The following PITPNM1 variants were observed in gnomAD, a reference collection of about 807,000 sequenced individuals.
PITPNM1 encodes phosphatidylinositol transfer protein membrane associated 1.
A neutral mutation model predicts 133.3 loss-of-function variants in PITPNM1; 74 were observed. The observed-to-expected ratio is 0.56, with a 90% CI of 0.46 to 0.67. PITPNM1 has a LOEUF of 0.67. Ranked by LOEUF, PITPNM1 falls within the 30% of genes least tolerant of loss-of-function variation. The pLI is 0.00. For synonymous variants in PITPNM1, 738 were observed against 741.4 expected (o/e 1.00, Z 0.08); for missense variants, 1,398 against 1,739.5 (o/e 0.80, Z 3.49).
At chr11:67,505,363 TGCAGTCCCTCCCCGACGCCCGCC>T (rs1397171279), upstream of PITPNM1, 2 of 151,940 alleles carry the variant, frequency 1.3e-5, no homozygotes, top group Non-Finnish European at 2.9e-5. This position sits in a 1 kb window ranked among gnomAD's most constrained non-coding sequence, Gnocchi z 5.8. Flanking sequence ...CCGGCGCCCC[TGCAGTCCCTCCCCGACGCCCGCC>T]GCGTCACTGC....
intron 2 of PITPNM1, 138 bp downstream of exon 2, chr11:67,503,965 C>G: frequency 1.6e-6 from 1 of 615,168 alleles, no homozygotes; most frequent in Admixed American, 3.1e-5. Context: ...TTCCCACAGT[C>G]CTTCCCCATT....
chr11:67,493,112 T>A (rs780980160), intron 22 of PITPNM1, 50 bp from the exon 23 acceptor site: 2 of 1,607,856 alleles, frequency 1.2e-6, no homozygotes, highest in South Asian at 2.2e-5. Context: ...GCCGTGCAGC[T>A]GGGGGCGGGG....
rs1174705312 is a variant in PITPNM1, at chr11:67,502,305, T to A, written c.402A>T (p.Arg134Ser). ...TCCAGGCCTCACCCAGGATGCGCTG[T>A]CTCCTCTCGGCCCCGCTCAGGTTGA... ...NVFNLSGAER[R>S]QRILDTIDIV... Residue 134 changes from arginine to serine, a missense_variant, in exon 4 of 24, where the codon AGA becomes AGT. Physicochemically the swap from Arg to Ser is moderately radical, Grantham distance 110. Coordinates refer to ENST00000356404, the MANE Select transcript of PITPNM1 (RefSeq NM_004910.3). The surrounding 1 kb of genome is among the most constrained non-coding windows in gnomAD (Gnocchi z 5.9). The A allele has an allele frequency of 1.2e-6, 2 of 1,613,240 alleles. No homozygotes were observed. Among genetic ancestry groups the A allele is most frequent in the Admixed American group, 3.3e-5 (2 of 60,024 alleles).
At position 67,500,189 on chromosome 11, in the gene PITPNM1, A is replaced by G; in HGVS notation, c.873T>C (p.Pro291=). 6.2e-7 allele frequency: 1 copy of G among 1,602,246 alleles called. No homozygotes were observed. The highest frequency in any genetic ancestry group is 8.5e-7 in the Non-Finnish European group (1 of 1,177,250). ...AASNTGTPDG[P]EAPPGPDASP... ...AGGCATCTGGGCCTGGGGGGGCCTC[A>G]GGCCCATCGGGGGTGCCAGTGTTGC... The change falls in exon 6 of 24, where the codon CCT becomes CCC. Residue 291 remains proline, a synonymous_variant. Transcript: ENST00000356404.
chr11:67,499,485 G>C (rs1451750216), intron 8 of PITPNM1, among the ~76,000 whole-genome samples: 4 of 148,586 alleles, frequency 2.7e-5, no homozygotes, highest in Admixed American at 2.7e-4. Context: ...GAAGCATTCA[G>C]GGAGTCCAAA....
At chr11:67,492,600 A>G (rs1275765640) in intron 23 of PITPNM1, among the ~76,000 whole-genome samples, 1 of 152,220 alleles carries the variant, frequency 6.6e-6, no homozygotes, top group Non-Finnish European at 1.5e-5. Flanking sequence ...GTGCCTGTTG[A>G]TGTGATCTTC....
At position 67,498,397 on chromosome 11, in the gene PITPNM1, T is replaced by C; in HGVS notation, c.1485-75A>G. On this transcript the variant is annotated intron_variant, in intron 10 of 23. Coordinates refer to ENST00000356404, the MANE Select transcript of PITPNM1 (RefSeq NM_004910.3). This position sits in a 1 kb window ranked among gnomAD's most constrained non-coding sequence, Gnocchi z 5.7. ...TGCCATCCAAGTCCCCTGGGCCTGC[T>C]GGCAGGCCCTGGCTCTGTGGGTCCT... 3 of 1,392,658 alleles carry C rather than the reference T, an allele frequency of 2.2e-6. No homozygotes were observed. Among genetic ancestry groups the C allele is most frequent in the Non-Finnish European group, 2.9e-6 (3 of 1,046,466 alleles). 86.3% of individuals were successfully genotyped at this position (1,392,658 alleles called of 1,614,324 possible).
In PITPNM1 at chr11:67,494,075, AG is replaced by A. The variant is rs1403242229; in HGVS notation, c.2860-6del. 6.4e-7 allele frequency: 1 copy of A among 1,574,140 alleles called. No homozygotes were observed. The highest frequency in any genetic ancestry group is 8.6e-7 in the Non-Finnish European group (1 of 1,158,316). On this transcript the variant is annotated splice_region_variant and splice_polypyrimidine_tract_variant and intron_variant, in intron 19 of 23. Coordinates refer to ENST00000356404, the MANE Select transcript of PITPNM1 (RefSeq NM_004910.3). ...CGTCATGATGTAGACATCCACCTGG[AG>A]GGGAGAAGGGGCGGGAGGTAAATGG...
At position 67,496,142 on chromosome 11, in the gene PITPNM1, T is replaced by C. The variant is rs1591056560; in HGVS notation, c.2317+36A>G. ...ACCTCCTCCCTTCCTGTGTGTGCCCTCCTCCTTCTCCCCTTTATCTTGTTT... is the reference window on the plus strand; with the variant it reads ...ACCTCCTCCCTTCCTGTGTGTGCCCCCCTCCTTCTCCCCTTTATCTTGTTT... On this transcript the variant is annotated intron_variant, in intron 15 of 23. Coordinates refer to ENST00000356404, the MANE Select transcript of PITPNM1 (RefSeq NM_004910.3). The C allele has an allele frequency of 6.1e-6, 9 of 1,470,530 alleles. No individual in the cohort carries two copies. In the East Asian group the frequency reaches 2.4e-4, roughly 40 times the overall value. 91.1% of individuals were successfully genotyped at this position (1,470,530 alleles called of 1,614,324 possible). A position where few individuals can be genotyped will look rare whatever the true frequency, so the allele number is the denominator to read the frequency against.
At chr11:67,496,571 A>G in intron 14 of PITPNM1, 1 of 514,638 alleles carries the variant, frequency 1.9e-6, no homozygotes, top group Non-Finnish European at 3.4e-6. Context: ...AGGCAGAAGC[A>G]GATGGATCAC....
At chr11:67,492,418 G>A in intron 23 of PITPNM1, 122 bp from the exon 24 acceptor site, 1 of 1,035,170 alleles carries the variant, frequency 9.7e-7, no homozygotes, top group Non-Finnish European at 1.4e-6. Context: ...GGCACAGCCT[G>A]AGCTGAAGCC....
intron 22 of PITPNM1, 90 bp from the exon 23 acceptor site, chr11:67,493,152 GGTGGGTCCAGGCAGACGGAGGCGAA>G (rs1481469722): frequency 1.3e-6 from 2 of 1,501,976 alleles, no homozygotes; most frequent in Non-Finnish European, 1.8e-6. Context: ...TTGTTCTGGG[GGTGGGTCCAGGCAGACGGAGGCGAA>G]GACAGGTCCC....
chr11:67,494,488 A>G (rs1000595664), intron 18 of PITPNM1, 128 bp from the exon 19 acceptor site: 52 of 690,682 alleles, frequency 7.5e-5, no homozygotes, highest in Non-Finnish European at 9.6e-6. Context: ...ATTGAGGGAA[A>G]AGGGCAAGCC....
At chr11:67,493,341 A>C (rs1361974745) in intron 22 of PITPNM1, 69 bp downstream of exon 22, 2 of 1,428,608 alleles carry the variant, frequency 1.4e-6, no homozygotes, top group Non-Finnish European at 1.9e-6. Context: ...GCCTCCGCCG[A>C]TCCGGGGGTG....
In PITPNM1 at chr11:67,504,598, C is replaced by A. The variant is rs1476224844; in HGVS notation, c.-41-377G>T. On this transcript the variant is annotated intron_variant, in intron 1 of 23. Transcript: ENST00000356404. This position sits in a 1 kb window ranked among gnomAD's most constrained non-coding sequence, Gnocchi z 5.4. ...GCGCCCCCGAAGCCCCGGGGCCCCTCCTTCCGGGCCCGCCTTCCGCGACCG... is the reference window on the plus strand; with the variant it reads ...GCGCCCCCGAAGCCCCGGGGCCCCTACTTCCGGGCCCGCCTTCCGCGACCG... 1.3e-5 allele frequency: 2 copies of A among 152,096 alleles called. No homozygotes were observed. Among genetic ancestry groups the A allele is most frequent in the African/African-American group, 4.8e-5 (2 of 41,424 alleles). 9.4% of individuals were successfully genotyped at this position (152,096 alleles called of 1,614,324 possible). A position where few individuals can be genotyped will look rare whatever the true frequency, so the allele number is the denominator to read the frequency against.
chr11:67,497,455 G>A lies in PITPNM1; in HGVS notation c.1941-19C>T. Reference sequence around the variant, plus strand: ...CTGAAGGCTGTGGGGGAGGAGGGGTGCTCAGTGCTGCTGCCTCTGTAGTCC... The same window carrying A: ...CTGAAGGCTGTGGGGGAGGAGGGGTACTCAGTGCTGCTGCCTCTGTAGTCC... On this transcript the variant is annotated intron_variant, in intron 13 of 23. Transcript: ENST00000356404. The A allele has an allele frequency of 1.3e-6, 2 of 1,592,360 alleles. No homozygotes were observed. The highest frequency in any genetic ancestry group is 1.7e-6 in the Non-Finnish European group (2 of 1,167,782).
At position 67,492,182 on chromosome 11, in the gene PITPNM1, C is replaced by T. The variant is rs1865946297; in HGVS notation, c.3586G>A (p.Ala1196Thr). The T allele has an allele frequency of 6.2e-7, 1 of 1,611,272 alleles. No individual in the cohort carries two copies. The highest frequency in any genetic ancestry group is 8.5e-7 in the Non-Finnish European group (1 of 1,179,774). ...TGTTTGCGCAGGAAGTCCACGGGGGCAGCCACACCATAGCTGCTCTTGCCC... is the reference window on the plus strand; with the variant it reads ...TGTTTGCGCAGGAAGTCCACGGGGGTAGCCACACCATAGCTGCTCTTGCCC... ...ALGKSSYGVA[A>T]PVDFLRKQSQ... Residue 1196 changes from alanine (A) to threonine (T), a missense_variant, in exon 24 of 24, where the codon GCC (alanine) becomes ACC (threonine). By Grantham distance (58) the Ala-to-Thr change is moderately conservative. Around this residue, in one of 5 missense-constraint regions of PITPNM1, gnomAD observed 122 missense variants for 123.3 expected, o/e 0.99. Coordinates refer to ENST00000356404, the MANE Select transcript of PITPNM1 (RefSeq NM_004910.3).
chr11:67,494,467 G>A (rs1281558906), intron 18 of PITPNM1, 107 bp from the exon 19 acceptor site: 4 of 765,706 alleles, frequency 5.2e-6, no homozygotes, highest in Admixed American at 2.9e-5. Context: ...GGGGCCTAGA[G>A]GCGGCGGGGC....
chr11:67,498,831 C>G lies in PITPNM1; in HGVS notation c.1249G>C (p.Gly417Arg). Residue 417 changes from glycine (G) to arginine (R), a missense_variant, in exon 10 of 24, where the codon GGG becomes CGG. Gly to Arg is a moderately radical substitution (Grantham distance 125). This residue lies in a region of PITPNM1 where 574 missense variants were observed against 698.7 expected (regional missense o/e 0.82). Transcript: ENST00000356404. This position sits in a 1 kb window ranked among gnomAD's most constrained non-coding sequence, Gnocchi z 5.7. ...GCGCATGCCTCAGCCCCCAGCTCCC[C>G]GGCTCCATCCAGGCCCTGGGGGGAA... Reference protein sequence around the residue: ...PRDSEGLDGAGELGAEACAVH... With the variant: ...PRDSEGLDGARELGAEACAVH... 1.2e-6 allele frequency: 2 copies of G among 1,610,076 alleles called. No individual in the cohort carries two copies. Among genetic ancestry groups the G allele is most frequent in the Non-Finnish European group, 1.7e-6 (2 of 1,177,594 alleles).
Sources: allele counts gnomAD v4.1 joint callset (sites outside exome capture counted in the v4.1 genomes callset), GRCh38; gene constraint gnomAD v4.1.1; regional missense constraint gnomAD v4.1.1; non-coding constraint Gnocchi (gnomAD v3.1); transcripts MANE v1.5; gene names NCBI Gene and HGNC (gene_info 2026-07-23, HGNC 2026-07-21).